Variants in ROBO1 observed in about 807,000 individuals in gnomAD.
The protein encoded by ROBO1 is roundabout guidance receptor 1.
Under a neutral mutation model 195.9 loss-of-function variants are expected in ROBO1, and 149 were observed. The observed-to-expected ratio is 0.76, with a 90% CI of 0.67 to 0.87. The LOEUF is 0.87. Among genes scored for constraint, ROBO1 ranks in the 40% least tolerant of loss-of-function variants. ROBO1 has a pLI of 0.00. For missense variants in ROBO1, 1,933 were observed against 2,068.3 expected, an observed-to-expected ratio of 0.93 and a Z score of 1.27; for synonymous variants, 816 against 733.2, an observed-to-expected ratio of 1.11 and a Z score of -1.82.
rs115652041 is a variant in ROBO1 at position 79,138,280 on chromosome 3, T to A, written c.89-12741A>T. On this transcript the variant is annotated intron_variant, in intron 2 of 30. Transcript: ENST00000464233. Reference sequence around the variant, plus strand: ...CTTAACACAGTGCTTAAGAACAGAGTACACAATCAATACTTTTTTTGTTGA... The same window carrying A: ...CTTAACACAGTGCTTAAGAACAGAGAACACAATCAATACTTTTTTTGTTGA... Among the ~76,000 whole-genome samples the A allele has an allele frequency of 4.3e-3, 654 of 152,086 alleles. 5 individuals carry two copies. Among genetic ancestry groups the A allele is most frequent in the African/African-American group, 0.015 (631 of 41,532 alleles).
intron 4 of ROBO1, among the ~76,000 whole-genome samples, chr3:78,777,473 A>G (rs1331479268): frequency 1.3e-5 from 2 of 152,140 alleles, no homozygotes; most frequent in Non-Finnish European, 2.9e-5. Context: ...CATTTTTCTT[A>G]TCACTATTGC....
chr3:79,188,990 C>A (rs971922191), intron 2 of ROBO1, among the ~76,000 whole-genome samples: 5 of 151,592 alleles, frequency 3.3e-5, no homozygotes, highest in African/African-American at 9.7e-5. Context: ...GAGAAGATGC[C>A]TTCTGTGAAC....
intron 4 of ROBO1, among the ~76,000 whole-genome samples, chr3:78,754,020 C>G (rs151187999): frequency 0.015 from 2,218 of 152,238 alleles, 74 homozygotes; most frequent in African/African-American, 0.05. Context: ...TCTAGAATGT[C>G]AGAATCACAA....
intron 2 of ROBO1, among the ~76,000 whole-genome samples, chr3:79,574,816 C>A (rs1214430044): frequency 6.6e-6 from 1 of 151,622 alleles, no homozygotes; most frequent in African/African-American, 2.4e-5. Context: ...TGCATTATGA[C>A]ATATCATGAT....
At chr3:79,508,180 C>A (rs988768009) in intron 2 of ROBO1, among the ~76,000 whole-genome samples, 4 of 151,976 alleles carry the variant, frequency 2.6e-5, no homozygotes, top group African/African-American at 9.7e-5. Context: ...GTACAGCAAA[C>A]CAACGTGGCA....
At chr3:78,859,304 C>G (rs770475979) in intron 4 of ROBO1, among the ~76,000 whole-genome samples, 1 of 152,122 alleles carries the variant, frequency 6.6e-6, no homozygotes, top group Non-Finnish European at 1.5e-5. Flanking sequence ...ATTCATGGAA[C>G]TAGAAGTGTT....
At chr3:78,684,106 G>C (rs976009223) in intron 10 of ROBO1, among the ~76,000 whole-genome samples, 5 of 151,942 alleles carry the variant, frequency 3.3e-5, no homozygotes, top group African/African-American at 1.2e-4. Context: ...CCCAACAATG[G>C]ACATGTACAG....
intron 4 of ROBO1, among the ~76,000 whole-genome samples, chr3:78,764,154 TGAGA>T (rs1408354412): frequency 6.6e-6 from 1 of 152,072 alleles, no homozygotes; most frequent in African/African-American, 2.4e-5. Flanking sequence ...TGTGGAGACA[TGAGA>T]GAGAGAAAAG....
intron 3 of ROBO1, among the ~76,000 whole-genome samples, chr3:79,119,665 A>G (rs2080079452): frequency 6.6e-6 from 1 of 152,196 alleles, no homozygotes; most frequent in South Asian, 2.1e-4. Flanking sequence ...ATTTTAAGAA[A>G]TGTTTATTAA....
At chr3:79,444,413 T>C (rs1215124077) in intron 2 of ROBO1, among the ~76,000 whole-genome samples, 1 of 152,130 alleles carries the variant, frequency 6.6e-6, no homozygotes, top group Non-Finnish European at 1.5e-5. Flanking sequence ...AATAGGATAG[T>C]ATTTCAAATT....
chr3:79,608,317 A>G (rs181868311), intron 1 of ROBO1, among the ~76,000 whole-genome samples: 1 of 152,038 alleles, frequency 6.6e-6, no homozygotes, highest in East Asian at 1.9e-4. Flanking sequence ...AAGACACTGA[A>G]CTTTTCTGGC....
chr3:79,740,282 A>C (rs186668078), intron 1 of ROBO1, among the ~76,000 whole-genome samples: 1 of 148,452 alleles, frequency 6.7e-6, no homozygotes, highest in East Asian at 2.0e-4. Context: ...TGAGTTTTCA[A>C]ATTTTACATA....
intron 2 of ROBO1, among the ~76,000 whole-genome samples, chr3:79,170,544 AT>A (rs2081147403): frequency 6.6e-6 from 1 of 152,132 alleles, no homozygotes; most frequent in Non-Finnish European, 1.5e-5. Context: ...TAAATTTAAA[AT>A]TATTATCTTC....
At chr3:78,753,887 C>T (rs756943280) in intron 4 of ROBO1, among the ~76,000 whole-genome samples, 1 of 152,224 alleles carries the variant, frequency 6.6e-6, no homozygotes, top group Non-Finnish European at 1.5e-5. Flanking sequence ...TGTATGTTTG[C>T]ATTTTATACA....
At chr3:79,369,671 CTTCT>C (rs2036116197) in intron 2 of ROBO1, among the ~76,000 whole-genome samples, 3 of 151,724 alleles carry the variant, frequency 2.0e-5, no homozygotes, top group Admixed American at 6.6e-5. Context: ...TTTAAAGAGG[CTTCT>C]TTCTTTTTTT....
chr3:79,706,604 T>C (rs1016264744), intron 1 of ROBO1, among the ~76,000 whole-genome samples: 1 of 152,094 alleles, frequency 6.6e-6, no homozygotes, highest in Non-Finnish European at 1.5e-5. Flanking sequence ...AGCAGGTGTT[T>C]TCCATGCTGT....
At chr3:78,755,944 G>A (rs911755824) in intron 4 of ROBO1, among the ~76,000 whole-genome samples, 3 of 151,990 alleles carry the variant, frequency 2.0e-5, no homozygotes, top group Admixed American at 2.0e-4. Context: ...AATCTTATTT[G>A]CTAACTGATA....
chr3:78,614,918 C>CA (rs1318755415), intron 27 of ROBO1, 118 bp from the exon 28 acceptor site: 4 of 1,081,006 alleles, frequency 3.7e-6, no homozygotes, highest in Admixed American at 3.0e-5. Context: ...TGAAAAGCAA[C>CA]AAAAAAAGCT....
chr3:79,627,869 C>T (rs1256958755), intron 1 of ROBO1, among the ~76,000 whole-genome samples: 2 of 152,154 alleles, frequency 1.3e-5, no homozygotes, highest in South Asian at 2.1e-4. Flanking sequence ...AAGACATTTA[C>T]GTGGCCAACA....
Sources: gnomAD v4.1 joint callset for allele counts (sites outside exome capture counted in the v4.1 genomes callset) on GRCh38, gnomAD v4.1.1 for gene constraint, MANE v1.5 for transcripts, NCBI Gene and HGNC (gene_info 2026-07-23, HGNC 2026-07-21) for gene names.